RB1: variants seen among roughly 807,000 people sequenced by gnomAD.
RB1 encodes retinoblastoma-associated protein.
RB1 carries 18 observed loss-of-function variants against 135.4 expected under a neutral mutation model. The observed-to-expected ratio is 0.13, with a 90% CI of 0.09 to 0.20. The LOEUF (loss-of-function observed/expected upper bound fraction) is 0.20. Among genes scored for constraint, RB1 ranks in the 10% least tolerant of loss-of-function variants. The pLI, the probability that RB1 is intolerant of heterozygous loss-of-function variation, is 1.00. For synonymous variants in RB1, 365 were observed against 373.2 expected (o/e 0.98, Z 0.25); for missense variants, 868 against 1,110.0 (o/e 0.78, Z 3.10).
chr13:48,416,104 G>T (rs1336424728), intron 17 of RB1, among the ~76,000 whole-genome samples: 3 of 151,948 alleles, frequency 2.0e-5, no homozygotes, highest in African/African-American at 4.8e-5. Flanking sequence ...GGATTTTTTG[G>T]GGGGAGCGAA....
At chr13:48,322,919 A>ATTT (rs200779520) in intron 2 of RB1, among the ~76,000 whole-genome samples, 3 of 148,312 alleles carry the variant, frequency 2.0e-5, no homozygotes, top group African/African-American at 7.4e-5. Context: ...TGGTTTGCTA[A>ATTT]TTTTTTTTTT....
intron 17 of RB1, chr13:48,391,374 A>G (rs1044725337): frequency 1.3e-5 from 2 of 152,172 alleles, no homozygotes; most frequent in South Asian, 2.1e-4. Context: ...GAGAAAAAAG[A>G]TGTTTTTATT....
intron 23 of RB1, among the ~76,000 whole-genome samples, 183 bp downstream of exon 23, chr13:48,465,551 C>T (rs978500169): frequency 1.3e-5 from 2 of 152,154 alleles, no homozygotes; most frequent in African/African-American, 4.8e-5. Context: ...ACGACTTAAG[C>T]AACGCAAGAT....
intron 17 of RB1, among the ~76,000 whole-genome samples, chr13:48,448,995 T>A (rs1949308503): frequency 6.6e-6 from 1 of 152,236 alleles, no homozygotes; most frequent in Non-Finnish European, 1.5e-5. Context: ...TTGTTCTTCA[T>A]GCTTTTTTTT....
chr13:48,422,489 A>G (rs982037866), intron 17 of RB1, among the ~76,000 whole-genome samples: 2 of 152,202 alleles, frequency 1.3e-5, no homozygotes, highest in Admixed American at 6.5e-5. Flanking sequence ...CGTTCTGCAC[A>G]TGTATCCCAA....
chr13:48,324,731 G>T (rs1045742674), intron 2 of RB1, among the ~76,000 whole-genome samples: 11 of 152,096 alleles, frequency 7.2e-5, no homozygotes, highest in African/African-American at 2.7e-4. Context: ...ATACCCAGTG[G>T]TGGGATTGCT....
At chr13:48,447,029 A>C (rs1193453079) in intron 17 of RB1, among the ~76,000 whole-genome samples, 1 of 152,180 alleles carries the variant, frequency 6.6e-6, no homozygotes, top group East Asian at 1.9e-4. Flanking sequence ...AGAGATAAGA[A>C]TTGCTTTGAC....
intron 2 of RB1, among the ~76,000 whole-genome samples, chr13:48,336,984 A>G (rs1233541355): frequency 2.0e-5 from 3 of 152,106 alleles, no homozygotes; most frequent in Admixed American, 2.0e-4. Context: ...CCATGTAGTT[A>G]TGCGGTTTTG....
chr13:48,376,373 G>C (rs535220350), intron 12 of RB1, among the ~76,000 whole-genome samples: 39 of 151,994 alleles, frequency 2.6e-4, no homozygotes, highest in African/African-American at 9.4e-4. Context: ...TGGTGCGCTT[G>C]CCTATAATCC....
At chr13:48,441,595 C>CA (rs1183087948) in intron 17 of RB1, among the ~76,000 whole-genome samples, 1 of 151,760 alleles carries the variant, frequency 6.6e-6, no homozygotes, top group Non-Finnish European at 1.5e-5. Context: ...CAGCAAAACC[C>CA]AAAAAACCAA....
At chr13:48,431,891 ATT>A (rs202041268) in intron 17 of RB1, among the ~76,000 whole-genome samples, 1 of 151,406 alleles carries the variant, frequency 6.6e-6, no homozygotes, top group East Asian at 1.9e-4. Context: ...ACTGATACTT[ATT>A]TTTTTTTCCA....
chr13:48,347,404 T>C (rs4151474), intron 4 of RB1, among the ~76,000 whole-genome samples: 35 of 152,024 alleles, frequency 2.3e-4, no homozygotes, highest in Non-Finnish European at 4.9e-4. Flanking sequence ...AATCTTGGGC[T>C]TTGCCCTGCA....
chr13:48,430,021 G>A (rs1184659466), intron 17 of RB1, among the ~76,000 whole-genome samples: 1 of 152,090 alleles, frequency 6.6e-6, no homozygotes, highest in Non-Finnish European at 1.5e-5. Context: ...GTTTTTACAA[G>A]TTTGTTCACC....
chr13:48,320,592 A>G, intron 2 of RB1: 1 of 385,974 alleles, frequency 2.6e-6, no homozygotes, highest in South Asian at 2.6e-5. Context: ...CAGCACTTTG[A>G]GAGGCCGAGG....
intron 17 of RB1, among the ~76,000 whole-genome samples, chr13:48,385,883 A>C (rs887963169): frequency 6.6e-6 from 1 of 152,132 alleles, no homozygotes; most frequent in Admixed American, 6.6e-5. Flanking sequence ...GCATAGAAAG[A>C]AGGTCAAAGA....
At chr13:48,305,442 T>G (rs1952072904) in intron 1 of RB1, among the ~76,000 whole-genome samples, 1 of 152,274 alleles carries the variant, frequency 6.6e-6, no homozygotes, top group Non-Finnish European at 1.5e-5. Flanking sequence ...GATTAAATTC[T>G]GATGTATCCA....
rs541168997 is a variant in RB1 at position 48,345,021 on chromosome 13, C to T, written c.381-59C>T. The stretch of plus-strand genomic sequence containing the variant: ...AATTGAAATATCTATGATTTGAAAA[C>T]GAAATAACACAAATTTTTAAGGTTA... On this transcript the variant is annotated intron_variant, in intron 3 of 26. Coordinates refer to ENST00000267163, the MANE Select transcript of RB1 (RefSeq NM_000321.3). The T allele has an allele frequency of 5.2e-5, 81 of 1,554,290 alleles. No homozygotes were observed. The South Asian group carries it at 5.3e-4, about 10-fold the overall frequency.
intron 18 of RB1, among the ~76,000 whole-genome samples, chr13:48,454,583 A>C (rs780512493): frequency 1.3e-5 from 2 of 152,224 alleles, no homozygotes; most frequent in Non-Finnish European, 2.9e-5. Flanking sequence ...AACACAGGCA[A>C]TGAACAAGTA....
chr13:48,304,984 T>G (rs1952068836), intron 1 of RB1, among the ~76,000 whole-genome samples: 1 of 152,202 alleles, frequency 6.6e-6, no homozygotes, highest in Non-Finnish European at 1.5e-5. Flanking sequence ...TCCATACGAA[T>G]GCACTAGATC....
Sources: gnomAD v4.1 joint callset for allele counts (sites outside exome capture counted in the v4.1 genomes callset) on GRCh38, gnomAD v4.1.1 for gene constraint, MANE v1.5 for transcripts, NCBI Gene and HGNC (gene_info 2026-07-23, HGNC 2026-07-21) for gene names.